The following PTPRN2 variants were observed in gnomAD, a reference collection of about 807,000 sequenced individuals.
PTPRN2 encodes the protein protein tyrosine phosphatase receptor type N2.
PTPRN2 carries 74 observed loss-of-function variants against 118.8 expected under a neutral mutation model. That is an observed-to-expected ratio of 0.62 (90% CI 0.52 to 0.76). The LOEUF (loss-of-function observed/expected upper bound fraction) is 0.76, where lower values mean the gene tolerates loss of function less well. Among genes scored for constraint, PTPRN2 ranks in the 30% least tolerant of loss-of-function variants. The pLI, the probability that PTPRN2 is intolerant of heterozygous loss-of-function variation, is 0.00. For synonymous variants in PTPRN2, 641 were observed against 608.0 expected, an observed-to-expected ratio of 1.05 and a Z score of -0.80; for missense variants, 1,481 against 1,394.4, an observed-to-expected ratio of 1.06 and a Z score of -0.99.
At chr7:157,939,325 C>A (rs779898272) in intron 11 of PTPRN2, among the ~76,000 whole-genome samples, 1 of 152,264 alleles carries the variant, frequency 6.6e-6, no homozygotes, top group African/African-American at 2.4e-5. Flanking sequence ...CATCACTGAG[C>A]GGCCACAGGG....
chr7:157,665,813 G>A (rs1360491261), intron 13 of PTPRN2, among the ~76,000 whole-genome samples: 2 of 152,206 alleles, frequency 1.3e-5, no homozygotes, highest in South Asian at 2.1e-4. Flanking sequence ...CATAAAAAAG[G>A]ATGAGTTCAT....
chr7:158,252,801 A>C (rs889146430), intron 3 of PTPRN2, among the ~76,000 whole-genome samples: 3 of 151,740 alleles, frequency 2.0e-5, no homozygotes, highest in African/African-American at 7.3e-5. Context: ...CGAACCTCTC[A>C]CTCCCCAAAT....
rs543171548 is a variant in PTPRN2 at position 158,145,089 on chromosome 7, C to G, written c.911-6574G>C. Among the ~76,000 whole-genome samples the G allele has an allele frequency of 3.3e-4, 49 of 150,496 alleles. 2 individuals are homozygous for G. The highest frequency in any genetic ancestry group is 1.0e-3 in the African/African-American group (41 of 40,470). On this transcript the variant is annotated intron_variant, in intron 6 of 22. Coordinates refer to ENST00000389418, the MANE Select transcript of PTPRN2 (RefSeq NM_002847.5). ...ATCATCGCGAGAAGGTTCCAGAATA[C>G]CACGGCTCGGCAAGGTTTCCCTCAC...
chr7:158,380,971 A>G (rs1397300215), intron 2 of PTPRN2, among the ~76,000 whole-genome samples: 2 of 152,256 alleles, frequency 1.3e-5, no homozygotes, highest in African/African-American at 4.8e-5. Flanking sequence ...CATTTCAGCC[A>G]CAACTGGAGC....
At chr7:158,437,202 C>T (rs1816631825) in intron 2 of PTPRN2, among the ~76,000 whole-genome samples, 1 of 152,220 alleles carries the variant, frequency 6.6e-6, no homozygotes, top group African/African-American at 2.4e-5. Flanking sequence ...CCAGCTCACT[C>T]ATCTGCTCTT....
intron 11 of PTPRN2, among the ~76,000 whole-genome samples, chr7:158,002,372 C>T (rs1369270398): frequency 6.6e-6 from 1 of 152,114 alleles, no homozygotes; most frequent in Non-Finnish European, 1.5e-5. Context: ...CACAGAGTTT[C>T]GGCCCCTAAA....
In PTPRN2 at chr7:157,936,413, G is replaced by T. The variant is rs112314990; in HGVS notation, c.1724-37676C>A. Among the ~76,000 whole-genome samples the T allele has an allele frequency of 3.8e-3, 574 of 152,232 alleles. 2 individuals are homozygous for T. Among genetic ancestry groups the T allele is most frequent in the African/African-American group, 0.013 (540 of 41,544 alleles). ...CTGCCTGTGTCCCTCACTCCACCAG[G>T]CCCCGCGAGCATCCTCCCTGTAGCT... On this transcript the variant is annotated intron_variant, in intron 11 of 22. Transcript: ENST00000389418.
At chr7:158,147,608 C>A (rs2150503859) in intron 6 of PTPRN2, among the ~76,000 whole-genome samples, 1 of 130,154 alleles carries the variant, frequency 7.7e-6, no homozygotes, top group East Asian at 2.3e-4. Flanking sequence ...CAATGACACC[C>A]CATCTCACGC....
intron 12 of PTPRN2, chr7:157,857,160 G>A (rs1041518266): frequency 6.6e-6 from 1 of 150,468 alleles, no homozygotes; most frequent in African/African-American, 2.4e-5. Context: ...TGGATGGGGA[G>A]GGAGGGGGAC....
At chr7:157,734,040 G>A (rs1172726739) in intron 12 of PTPRN2, among the ~76,000 whole-genome samples, 2 of 68,922 alleles carry the variant, frequency 2.9e-5, no homozygotes, top group East Asian at 6.9e-4. Context: ...ACCCTTTCCC[G>A]TCCCATGCGC....
At chr7:157,796,401 A>T (rs929854393) in intron 12 of PTPRN2, among the ~76,000 whole-genome samples, 14 of 152,174 alleles carry the variant, frequency 9.2e-5, no homozygotes, top group African/African-American at 3.1e-4. Context: ...AATCCTAGTC[A>T]GCTCTGCTGC....
At chr7:157,745,850 GCTC>G (rs1315246096) in intron 12 of PTPRN2, among the ~76,000 whole-genome samples, 1 of 152,112 alleles carries the variant, frequency 6.6e-6, no homozygotes, top group East Asian at 1.9e-4. Flanking sequence ...CCATCACAAA[GCTC>G]CTTCTCTGGC....
intron 11 of PTPRN2, among the ~76,000 whole-genome samples, chr7:157,991,451 C>T (rs376187690): frequency 8.5e-5 from 13 of 152,368 alleles, no homozygotes; most frequent in East Asian, 3.9e-4. Flanking sequence ...TGGCCCCACC[C>T]AGCTCCTCTA....
At chr7:157,656,966 T>TACACCACACAC (rs1795514909) in intron 13 of PTPRN2, among the ~76,000 whole-genome samples, 1 of 69,612 alleles carries the variant, frequency 1.4e-5, no homozygotes, top group African/African-American at 5.8e-5. Flanking sequence ...TACACACACA[T>TACACCACACAC]ACACCACACA....
Position 158,522,655 on chromosome 7 carries a change from C to G in PTPRN2, c.113-32870G>C, listed in dbSNP as rs116836009. ...GCTGCGGCTAGATGCAGTCTGTGGA[C>G]ACAGATTAAGGTGAAGTGAGGGCAT... On this transcript the variant is annotated intron_variant, in intron 1 of 22. Coordinates refer to ENST00000389418, the MANE Select transcript of PTPRN2 (RefSeq NM_002847.5). 9.1e-3 allele frequency among the ~76,000 whole-genome samples: 1,383 copies of G among 152,302 alleles called. 19 individuals carry two copies. Among genetic ancestry groups the G allele is most frequent in the African/African-American group, 0.031 (1,305 of 41,562 alleles).
At chr7:157,665,102 C>T (rs1479908413) in intron 13 of PTPRN2, among the ~76,000 whole-genome samples, 5 of 152,234 alleles carry the variant, frequency 3.3e-5, no homozygotes. Context: ...GCCTCCCCTG[C>T]ACAGCCTGGC....
intron 12 of PTPRN2, among the ~76,000 whole-genome samples, chr7:157,721,534 C>T (rs556573033): frequency 4.6e-5 from 7 of 152,348 alleles, no homozygotes; most frequent in Admixed American, 1.3e-4. Flanking sequence ...CCGAGCCCAG[C>T]GTCCCACCAG....
rs73729610 is a variant in PTPRN2, at chr7:158,434,418, A to G, written c.163+55317T>C. ...TGATAGACCAACCCTTATATTTATT[A>G]TGGCCCTTTTTATCTCGGAAAATGC... On this transcript the variant is annotated intron_variant, in intron 2 of 22. Coordinates refer to ENST00000389418, the MANE Select transcript of PTPRN2 (RefSeq NM_002847.5). Among the ~76,000 whole-genome samples, 1,283 of 152,274 alleles carry G rather than the reference A, an allele frequency of 8.4e-3. 28 individuals carry two copies. Among genetic ancestry groups the G allele is most frequent in the African/African-American group, 0.029 (1,197 of 41,552 alleles).
intron 2 of PTPRN2, among the ~76,000 whole-genome samples, chr7:158,395,717 C>A (rs1428229325): frequency 4.5e-4 from 9 of 20,196 alleles, no homozygotes; most frequent in Non-Finnish European, 8.5e-4. Flanking sequence ...GGGCGAGGGG[C>A]GAGGCGCGAG....
Sources: allele counts gnomAD v4.1 joint callset (sites outside exome capture counted in the v4.1 genomes callset), GRCh38; gene constraint gnomAD v4.1.1; transcripts MANE v1.5; gene names NCBI Gene and HGNC (gene_info 2026-07-23, HGNC 2026-07-21).